Variants in SHANK2 observed in about 807,000 individuals in gnomAD.
The protein encoded by SHANK2 is SH3 and multiple ankyrin repeat domains 2, also known as SH3 and multiple ankyrin repeat domains protein 2.
In SHANK2, 43 loss-of-function variants were observed where a neutral mutation model predicts 133.7. That is an observed-to-expected ratio of 0.32 (90% confidence interval 0.25 to 0.41). SHANK2 has a LOEUF of 0.41. Ranked by LOEUF, SHANK2 falls within the 10% of genes least tolerant of loss-of-function variation. The pLI is 1.00. For missense variants in SHANK2, 1,994 were observed against 2,235.8 expected (o/e 0.89, Z 2.18); for synonymous variants, 1,017 against 952.8 (o/e 1.07, Z -1.24).
At chr11:70,624,269 T>G (rs1554998994) in intron 17 of SHANK2, among the ~76,000 whole-genome samples, 1 of 152,026 alleles carries the variant, frequency 6.6e-6, no homozygotes, top group Admixed American at 6.5e-5. Flanking sequence ...TTCCCAGGCT[T>G]GCATCCTACC....
At chr11:70,688,357 G>A (rs376073112) in intron 15 of SHANK2, among the ~76,000 whole-genome samples, 23 of 152,170 alleles carry the variant, frequency 1.5e-4, no homozygotes, top group Non-Finnish European at 1.6e-4. Context: ...GGTGCTTGAC[G>A]TCATAAAACT....
intron 2 of SHANK2, among the ~76,000 whole-genome samples, chr11:71,179,650 G>A (rs555833052): frequency 1.3e-5 from 2 of 152,280 alleles, no homozygotes; most frequent in South Asian, 4.1e-4. Context: ...AACCATCCTT[G>A]TTTGCAGAAG....
intron 2 of SHANK2, among the ~76,000 whole-genome samples, chr11:71,167,100 T>TG (rs1375580095): frequency 1.3e-5 from 2 of 151,804 alleles, no homozygotes; most frequent in East Asian, 1.9e-4. Flanking sequence ...AGCACAGGGT[T>TG]GGGGGTAAGG....
chr11:70,709,370 C>T (rs1192654647), intron 14 of SHANK2, among the ~76,000 whole-genome samples: 1 of 152,254 alleles, frequency 6.6e-6, no homozygotes, highest in Non-Finnish European at 1.5e-5. Context: ...TGACTGTGTC[C>T]TCTGCCACAT....
At chr11:71,152,676 G>A (rs1349187248) in intron 2 of SHANK2, among the ~76,000 whole-genome samples, 1 of 152,192 alleles carries the variant, frequency 6.6e-6, no homozygotes, top group Non-Finnish European at 1.5e-5. Context: ...CCAGTGCTGG[G>A]TCTGAAGAGG....
At chr11:70,812,612 T>G (rs1313641834) in intron 12 of SHANK2, among the ~76,000 whole-genome samples, 1 of 152,184 alleles carries the variant, frequency 6.6e-6, no homozygotes, top group African/African-American at 2.4e-5. Flanking sequence ...TTTGATGAAC[T>G]ACATCCTCCT....
intron 10 of SHANK2, among the ~76,000 whole-genome samples, chr11:70,918,808 T>C (rs1429052300): frequency 1.3e-5 from 2 of 152,124 alleles, no homozygotes; most frequent in Admixed American, 1.3e-4. Context: ...TGCCCAGCCT[T>C]AATTGACTTT....
In SHANK2 at chr11:70,715,396, G is replaced by T. The variant is rs1274066128; in HGVS notation, c.1778-16633C>A. Among the ~76,000 whole-genome samples, 3 of 152,142 alleles carry T rather than the reference G, an allele frequency of 2.0e-5. No homozygotes were observed. In the East Asian group the frequency reaches 5.8e-4, roughly 29 times the overall value. On this transcript the variant is annotated intron_variant, in intron 14 of 25. Coordinates refer to ENST00000601538, the MANE Select transcript of SHANK2 (RefSeq NM_012309.5). ...CACCCTGGGCACCCAGTGCCTATGG[G>T]GAGGGCAGTGTGGACTTCTCTTTTG...
At chr11:71,137,828 A>C (rs1455695931) in intron 3 of SHANK2, among the ~76,000 whole-genome samples, 1 of 152,088 alleles carries the variant, frequency 6.6e-6, no homozygotes, top group African/African-American at 2.4e-5. Context: ...GACTCCATCA[A>C]CTCCTAGAAG....
intron 14 of SHANK2, among the ~76,000 whole-genome samples, chr11:70,718,487 T>C (rs560896806): frequency 9.9e-5 from 15 of 152,184 alleles, no homozygotes; most frequent in African/African-American, 2.4e-4. Flanking sequence ...GAAAAATCCA[T>C]GGACATGCTG....
At chr11:70,815,068 C>T (rs896631858) in intron 12 of SHANK2, among the ~76,000 whole-genome samples, 5 of 152,140 alleles carry the variant, frequency 3.3e-5, no homozygotes, top group East Asian at 1.9e-4. Flanking sequence ...CCAGAGGGCG[C>T]CCCCAGGGGC....
chr11:70,933,934 C>A (rs111443333), intron 10 of SHANK2, among the ~76,000 whole-genome samples: 42,017 of 147,502 alleles, frequency 0.28, 7,142 homozygotes, highest in African/African-American at 0.48. Flanking sequence ...AACAAACAAA[C>A]AAACAAAACA....
At chr11:70,799,063 G>C (rs534289961) in intron 13 of SHANK2, among the ~76,000 whole-genome samples, 1 of 152,146 alleles carries the variant, frequency 6.6e-6, no homozygotes, top group Non-Finnish European at 1.5e-5. Flanking sequence ...CCACCTGCCC[G>C]GCTCTGTCTG....
At chr11:70,819,472 T>C (rs1330291510) in intron 12 of SHANK2, among the ~76,000 whole-genome samples, 1 of 152,192 alleles carries the variant, frequency 6.6e-6, no homozygotes, top group Non-Finnish European at 1.5e-5. Context: ...GGAAGTCTCT[T>C]CCTCGACTGA....
intron 9 of SHANK2, among the ~76,000 whole-genome samples, chr11:71,070,013 G>A (rs1951122681): frequency 6.6e-6 from 1 of 151,724 alleles, no homozygotes; most frequent in East Asian, 1.9e-4. Context: ...AGTGAGTATA[G>A]CAAGGTGTTC....
intron 9 of SHANK2, among the ~76,000 whole-genome samples, chr11:71,063,481 C>G (rs977320329): frequency 6.6e-6 from 1 of 152,220 alleles, no homozygotes; most frequent in African/African-American, 2.4e-5. Flanking sequence ...CATCTACCCG[C>G]TCCTTCTGGT....
rs370116281 is a variant in SHANK2, at chr11:71,118,885, C to T, written c.355G>A (p.Glu119Lys). 1 of 1,551,658 alleles carries T rather than the reference C, an allele frequency of 6.4e-7. No homozygotes were observed. Among genetic ancestry groups the T allele is most frequent in the Admixed American group, 2.0e-5 (1 of 50,988 alleles). Residue 119 changes from glutamate (E) to lysine (K), a missense_variant, in exon 4 of 26, where the codon GAG becomes AAG. Glu to Lys is a moderately conservative substitution (Grantham distance 56, BLOSUM62 1). Around this residue, in one of 5 missense-constraint regions of SHANK2, gnomAD observed 653 missense variants for 563.4 expected, o/e 1.16. Transcript: ENST00000601538. ...TGTGGGTACTCGCGCAGGAGCCGCT[C>T]CTCATCCAGGAACTTGCCGTCACGC... ...NGRDGKFLDEERLLREYPQPV... is the reference protein window; with the variant it reads ...NGRDGKFLDEKRLLREYPQPV...
intron 1 of SHANK2, among the ~76,000 whole-genome samples, chr11:71,241,768 C>T (rs1251299638): frequency 1.3e-5 from 2 of 152,204 alleles, no homozygotes; most frequent in Non-Finnish European, 2.9e-5. Flanking sequence ...CCTACTTTCT[C>T]CTGAGACCCA....
At chr11:70,495,210 T>A (rs1188460721) in intron 21 of SHANK2, among the ~76,000 whole-genome samples, 5 of 152,178 alleles carry the variant, frequency 3.3e-5, no homozygotes, top group African/African-American at 1.2e-4. Flanking sequence ...GGGGTCCCTG[T>A]CAACCTCCCT....
Sources: gnomAD v4.1 joint callset for allele counts (sites outside exome capture counted in the v4.1 genomes callset) on GRCh38, gnomAD v4.1.1 for gene constraint, gnomAD v4.1.1 regional missense constraint, MANE v1.5 for transcripts, NCBI Gene and HGNC (gene_info 2026-07-23, HGNC 2026-07-21) for gene names.